The following CDH20 variants were observed in gnomAD, a reference collection of about 807,000 sequenced individuals.
CDH20 encodes cadherin 20, also known as cadherin-20.
Under a neutral mutation model 74.2 loss-of-function variants are expected in CDH20, and 29 were observed. The ratio of observed to expected loss-of-function variants is 0.39; its 90% confidence interval spans 0.29 to 0.53. The LOEUF is 0.53. Ranked by LOEUF, CDH20 falls within the 20% of genes least tolerant of loss-of-function variation. CDH20 has a pLI of 0.69. For synonymous variants in CDH20, 469 were observed against 405.4 expected (o/e 1.16, Z -1.88); for missense variants, 988 against 1,048.3 (o/e 0.94, Z 0.79).
chr18:61,530,261 T>A (rs1453389950), intron 7 of CDH20, among the ~76,000 whole-genome samples: 1 of 152,188 alleles, frequency 6.6e-6, no homozygotes, highest in East Asian at 1.9e-4. Context: ...GGTCCTAGAC[T>A]CTCAGAGGGA....
intron 1 of CDH20, among the ~76,000 whole-genome samples, chr18:61,338,545 TAA>T (rs1909834273): frequency 6.6e-6 from 1 of 152,158 alleles, no homozygotes; most frequent in Non-Finnish European, 1.5e-5. Context: ...TAAGAGATCA[TAA>T]AAGAGAGGTT....
chr18:61,358,513 C>T (rs953127844), intron 1 of CDH20, among the ~76,000 whole-genome samples: 2 of 152,016 alleles, frequency 1.3e-5, no homozygotes, highest in East Asian at 1.9e-4. Context: ...TATTTATATA[C>T]GTAATGGTGT....
At chr18:61,378,589 T>TCATCCAGAAACACCCTCATGAAGA (rs1254599316) in intron 1 of CDH20, among the ~76,000 whole-genome samples, 8 of 152,180 alleles carry the variant, frequency 5.3e-5, no homozygotes, top group African/African-American at 1.9e-4. Context: ...TATTTTAATC[T>TCATCCAGAAACACCCTCATGAAGA]CATCCAGAAA....
intron 1 of CDH20, among the ~76,000 whole-genome samples, chr18:61,416,393 A>G (rs1912685741): frequency 6.6e-6 from 1 of 152,220 alleles, no homozygotes; most frequent in African/African-American, 2.4e-5. Context: ...TACTCCACCT[A>G]AAGTGACAAT....
At chr18:61,459,960 G>T (rs140499002) in intron 1 of CDH20, among the ~76,000 whole-genome samples, 1 of 152,276 alleles carries the variant, frequency 6.6e-6, no homozygotes, top group East Asian at 1.9e-4. Context: ...GAGGGAAAGT[G>T]TCCCATACTC....
chr18:61,528,339 C>A, intron 7 of CDH20, 119 bp downstream of exon 7: 1 of 1,061,186 alleles, frequency 9.4e-7, no homozygotes, highest in Non-Finnish European at 1.4e-6. Flanking sequence ...GGAGACTCTC[C>A]TCTTTGAGTT....
intron 2 of CDH20, among the ~76,000 whole-genome samples, chr18:61,492,868 C>T (rs1568162481): frequency 6.6e-6 from 1 of 152,208 alleles, no homozygotes; most frequent in East Asian, 1.9e-4. Context: ...CAAGGCCTAA[C>T]ACAGCATTTA....
At chr18:61,533,327 G>A (rs1048340294) in intron 7 of CDH20, among the ~76,000 whole-genome samples, 1 of 151,962 alleles carries the variant, frequency 6.6e-6, no homozygotes, top group African/African-American at 2.4e-5. Context: ...AGAAAAAAAA[G>A]TGACTTATTT....
intron 1 of CDH20, among the ~76,000 whole-genome samples, chr18:61,474,627 T>C (rs1266090899): frequency 6.6e-6 from 1 of 152,200 alleles, no homozygotes. Flanking sequence ...TGAATCGTTG[T>C]TCACTTTTTA....
intron 6 of CDH20, among the ~76,000 whole-genome samples, chr18:61,510,368 A>C (rs1384775859): frequency 6.6e-6 from 1 of 152,196 alleles, no homozygotes; most frequent in Non-Finnish European, 1.5e-5. Context: ...TGGAGTGATC[A>C]CCTGTGACAA....
chr18:61,500,147 A>G (rs1377552415), intron 3 of CDH20, among the ~76,000 whole-genome samples: 1 of 125,992 alleles, frequency 7.9e-6, no homozygotes, highest in African/African-American at 3.0e-5. Flanking sequence ...AAAAAAAAAA[A>G]AAGCAATGAA....
intron 1 of CDH20, among the ~76,000 whole-genome samples, chr18:61,431,678 A>G (rs1913260001): frequency 6.6e-6 from 1 of 152,212 alleles, no homozygotes; most frequent in African/African-American, 2.4e-5. Flanking sequence ...TATTTTTTAC[A>G]ATAATTTTTG....
At chr18:61,470,297 G>A (rs890948659) in intron 1 of CDH20, among the ~76,000 whole-genome samples, 14 of 152,208 alleles carry the variant, frequency 9.2e-5, no homozygotes, top group Admixed American at 4.6e-4. Flanking sequence ...GGCACTGGCT[G>A]TATCCAATCT....
intron 1 of CDH20, among the ~76,000 whole-genome samples, chr18:61,411,858 T>A (rs1310522710): frequency 2.0e-5 from 3 of 151,850 alleles, no homozygotes; most frequent in Non-Finnish European, 2.9e-5. Context: ...AGGGAAGTTG[T>A]GGGAAGGGGT....
At chr18:61,517,510 G>A (rs1261774824) in intron 6 of CDH20, among the ~76,000 whole-genome samples, 1 of 152,152 alleles carries the variant, frequency 6.6e-6, no homozygotes, top group Non-Finnish European at 1.5e-5. Context: ...TCCTAGCCAG[G>A]GGAAGCCATG....
At chr18:61,440,922 G>C (rs534501421) in intron 1 of CDH20, among the ~76,000 whole-genome samples, 3 of 152,278 alleles carry the variant, frequency 2.0e-5, no homozygotes, top group East Asian at 3.9e-4. Flanking sequence ...TTGATGGATG[G>C]AGCTGCAGTC....
intron 1 of CDH20, among the ~76,000 whole-genome samples, chr18:61,443,934 T>C (rs965014778): frequency 6.6e-6 from 1 of 152,010 alleles, no homozygotes; most frequent in Non-Finnish European, 1.5e-5. Flanking sequence ...AGCCAGGGTA[T>C]GGGTAGTCCA....
At chr18:61,410,188 C>T (rs188085769) in intron 1 of CDH20, among the ~76,000 whole-genome samples, 8 of 152,260 alleles carry the variant, frequency 5.3e-5, no homozygotes, top group Admixed American at 1.3e-4. Flanking sequence ...TTAGTTCAAG[C>T]ATGAGCCATT....
At chr18:61,434,328 G>T (rs1053425293) in intron 1 of CDH20, among the ~76,000 whole-genome samples, 1 of 152,140 alleles carries the variant, frequency 6.6e-6, no homozygotes, top group Non-Finnish European at 1.5e-5. Flanking sequence ...TAAACTGTTA[G>T]AAAACATGGT....
Sources: gnomAD v4.1 joint callset for allele counts (sites outside exome capture counted in the v4.1 genomes callset) on GRCh38, gnomAD v4.1.1 for gene constraint, MANE v1.5 for transcripts, NCBI Gene and HGNC (gene_info 2026-07-23, HGNC 2026-07-21) for gene names.